Variants in PHACTR2 observed in about 807,000 individuals in gnomAD.
PHACTR2 encodes phosphatase and actin regulator 2.
Under a neutral mutation model 76.0 loss-of-function variants are expected in PHACTR2, and 30 were observed. The observed-to-expected ratio is 0.39, with a 90% CI of 0.30 to 0.54. The LOEUF (loss-of-function observed/expected upper bound fraction) is 0.54, where lower values mean the gene tolerates loss of function less well. Ranked by LOEUF, PHACTR2 falls within the 20% of genes least tolerant of loss-of-function variation. The pLI, the probability that PHACTR2 is intolerant of heterozygous loss-of-function variation, is 0.61. For synonymous variants in PHACTR2, 292 were observed against 292.5 expected, an observed-to-expected ratio of 1.00 and a Z score of 0.02; for missense variants, 696 against 781.1, an observed-to-expected ratio of 0.89 and a Z score of 1.30.
Position 143,760,645 on chromosome 6 carries a change from G to C in PHACTR2, c.694+5G>C. 6.2e-7 allele frequency: 1 copy of C among 1,613,790 alleles called. No individual in the cohort carries two copies. On this transcript the variant is annotated splice_donor_5th_base_variant and intron_variant, in intron 5 of 12. Coordinates refer to ENST00000440869, the MANE Select transcript of PHACTR2 (RefSeq NM_001100164.2). This position sits in a 1 kb window ranked among gnomAD's most constrained non-coding sequence, Gnocchi z 6.4. ...GAAACACGACCCGAGAGGCTGGTGA[G>C]TATGCCCCCAGTGCCCTGTGGGGTC... is the stretch of plus-strand genomic sequence containing the variant.
intron 2 of PHACTR2, among the ~76,000 whole-genome samples, chr6:143,735,247 T>C (rs1447294269): frequency 1.3e-5 from 2 of 151,976 alleles, no homozygotes; most frequent in Admixed American, 1.3e-4. Context: ...TTAGTACCCA[T>C]AAGACAGGGC....
chr6:143,537,221 G>C lies in PHACTR2; in HGVS notation c.217+14G>C, dbSNP rs997405578. 3 of 234,704 alleles carry C rather than the reference G, an allele frequency of 1.3e-5. No homozygotes were observed. The highest frequency in any genetic ancestry group is 1.2e-4 in the East Asian group (1 of 8,194). The allele number at this position is 234,704 out of a possible 1,614,324, so 14.5% of individuals were successfully genotyped here. ...TCTCCGGCTCAGGTAAGAGCGGCTC[G>C]GGGCGCGGGCCGGGGAGGGCCGGCC... is the stretch of plus-strand genomic sequence containing the variant. On this transcript the variant is annotated intron_variant, in intron 1 of 11. Transcript: ENST00000367584. This position sits in a 1 kb window ranked among gnomAD's most constrained non-coding sequence, Gnocchi z 4.4.
Position 143,760,694 on chromosome 6 carries a change from G to A in PHACTR2, c.694+54G>A. On this transcript the variant is annotated intron_variant, in intron 5 of 12. Transcript: ENST00000440869. This position sits in a 1 kb window ranked among gnomAD's most constrained non-coding sequence, Gnocchi z 6.4. Reference sequence around the variant, plus strand: ...TCACTTCTAGGGTGCTTGGCTCTGGGATGGGGCTAATTGTTTCTTCTAGGT... The same window carrying A: ...TCACTTCTAGGGTGCTTGGCTCTGGAATGGGGCTAATTGTTTCTTCTAGGT... 6.3e-7 allele frequency: 1 copy of A among 1,584,398 alleles called. No individual in the cohort carries two copies. The highest frequency in any genetic ancestry group is 2.2e-5 in the East Asian group (1 of 44,570).
rs867286240 is a variant in PHACTR2 at position 143,641,584 on chromosome 6, A to G, written c.13+33262A>G. Among the ~76,000 whole-genome samples the G allele has an allele frequency of 1.3e-5, 2 of 152,202 alleles. No homozygotes were observed. Among genetic ancestry groups the G allele is most frequent in the Middle Eastern group, 3.4e-3 (1 of 294 alleles). On this transcript the variant is annotated intron_variant, in intron 1 of 11. Transcript: ENST00000305766. This position sits in a 1 kb window ranked among gnomAD's most constrained non-coding sequence, Gnocchi z 5.8. ...TACAATGGCATGATCTCGGCTAACC[A>G]CAACCTCCGCCTCCCAGGTTCAAGC... is the stretch of plus-strand genomic sequence containing the variant.
At chr6:143,699,775 T>C (rs1777857978) in intron 1 of PHACTR2, among the ~76,000 whole-genome samples, 1 of 152,206 alleles carries the variant, frequency 6.6e-6, no homozygotes, top group African/African-American at 2.4e-5. Context: ...GTCCCTCAGA[T>C]CATCCATCAT....
At chr6:143,686,379 T>C (rs945292481) in intron 1 of PHACTR2, among the ~76,000 whole-genome samples, 5 of 150,638 alleles carry the variant, frequency 3.3e-5, no homozygotes, top group African/African-American at 1.2e-4. Context: ...ATAAATAACA[T>C]CAACATGTGA....
At chr6:143,673,745 T>C (rs558016878), upstream of PHACTR2, among the ~76,000 whole-genome samples, 206 of 150,800 alleles carry the variant, frequency 1.4e-3, 1 homozygote, top group African/African-American at 4.9e-3. Flanking sequence ...GTCTTTATTT[T>C]CCAGCATAAA....
chr6:143,566,225 A>G (rs1582675387), intron 1 of PHACTR2, among the ~76,000 whole-genome samples: 1 of 151,988 alleles, frequency 6.6e-6, no homozygotes, highest in East Asian at 1.9e-4. Flanking sequence ...CAGCCTCCCA[A>G]AGTGCTGGGA....
At chr6:143,567,847 G>T (rs1223382463) in intron 1 of PHACTR2, among the ~76,000 whole-genome samples, 1 of 152,204 alleles carries the variant, frequency 6.6e-6, no homozygotes, top group Non-Finnish European at 1.5e-5. Context: ...TTTAAAGTAT[G>T]CTCTGAGATT....
rs1777572238 is a variant in PHACTR2 at position 143,688,559 on chromosome 6, C to A, written c.46+10350C>A. Reference sequence around the variant, plus strand: ...TCCTCCAAGCCAGTTCTTCCCTTGACTTTCTACATTTCACCAAATGATACC... The same window carrying A: ...TCCTCCAAGCCAGTTCTTCCCTTGAATTTCTACATTTCACCAAATGATACC... On this transcript the variant is annotated intron_variant, in intron 1 of 12. Coordinates refer to ENST00000440869, the MANE Select transcript of PHACTR2 (RefSeq NM_001100164.2). The surrounding 1 kb of genome is among the most constrained non-coding windows in gnomAD (Gnocchi z 5.2). Among the ~76,000 whole-genome samples, 1 of 152,216 alleles carries A rather than the reference C, an allele frequency of 6.6e-6. No individual in the cohort carries two copies. Among genetic ancestry groups the A allele is most frequent in the African/African-American group, 2.4e-5 (1 of 41,450 alleles).
chr6:143,771,148 A>G (rs1243409387), intron 6 of PHACTR2, among the ~76,000 whole-genome samples: 103 of 75,034 alleles, frequency 1.4e-3, no homozygotes, highest in Middle Eastern at 5.6e-3. Context: ...ATATATGTAT[A>G]TATATATATG....
chr6:143,547,064 TAGTA>T lies in PHACTR2; in HGVS notation c.217+9861_217+9864del, dbSNP rs575128984. Reference sequence around the variant, plus strand: ...AAAAAAAAAGAATATGGCTTATGGTTAGTAAGTGTTATAGAATTTATGTCTTCAA... The same window carrying T: ...AAAAAAAAAGAATATGGCTTATGGTTAGTGTTATAGAATTTATGTCTTCAA... On this transcript the variant is annotated intron_variant, in intron 1 of 11. Coordinates refer to the PHACTR2 transcript ENST00000367584. This position sits in a 1 kb window ranked among gnomAD's most constrained non-coding sequence, Gnocchi z 4.2. Among the ~76,000 whole-genome samples the T allele has an allele frequency of 1.6e-4, 25 of 152,102 alleles. No homozygotes were observed. The highest frequency in any genetic ancestry group is 1.4e-3 in the East Asian group (7 of 5,180).
chr6:143,772,480 G>T lies in PHACTR2; in HGVS notation c.1432+23G>T. 1 of 1,578,522 alleles carries T rather than the reference G, an allele frequency of 6.3e-7. No individual in the cohort carries two copies. The highest frequency in any genetic ancestry group is 1.1e-5 in the South Asian group (1 of 89,410). ...AAAGTAAGACTGTTTTCAAGAGGCA[G>T]GGAGGAGCGTGGGTGATAAGCAGAA... On this transcript the variant is annotated intron_variant, in intron 7 of 12. Coordinates refer to ENST00000440869, the MANE Select transcript of PHACTR2 (RefSeq NM_001100164.2). The surrounding 1 kb of genome is among the most constrained non-coding windows in gnomAD (Gnocchi z 5.4).
In PHACTR2 at chr6:143,602,219, T is replaced by C. The variant is rs936669914; in HGVS notation, c.217+65012T>C. Among the ~76,000 whole-genome samples, 1 of 152,180 alleles carries C rather than the reference T, an allele frequency of 6.6e-6. No homozygotes were observed. Among genetic ancestry groups the C allele is most frequent in the Non-Finnish European group, 1.5e-5 (1 of 68,030 alleles). On this transcript the variant is annotated intron_variant, in intron 1 of 11. Coordinates refer to the PHACTR2 transcript ENST00000367584. The surrounding 1 kb of genome is among the most constrained non-coding windows in gnomAD (Gnocchi z 6.1). ...TTGTCCCTCTAACCTTCCCATCTAG[T>C]CAGGTTTTCTAATGACATCTTGAGG... is the stretch of plus-strand genomic sequence containing the variant.
chr6:143,800,559 C>T lies in PHACTR2; in HGVS notation c.1846-6498C>T, dbSNP rs1211912974. 6.6e-6 allele frequency among the ~76,000 whole-genome samples: 1 copy of T among 152,092 alleles called. No individual in the cohort carries two copies. On this transcript the variant is annotated intron_variant, in intron 11 of 12. Transcript: ENST00000440869. This position sits in a 1 kb window ranked among gnomAD's most constrained non-coding sequence, Gnocchi z 4.8. ...TACAGGTGTGAGCCACCGCACCCAG[C>T]CCATCCCTTTATTTTGAGCCTATGT...
chr6:143,750,510 T>G lies in PHACTR2; in HGVS notation c.295+1445T>G, dbSNP rs978799561. ...TTAGACATCGTTTATTTAGAAATAT[T>G]TTAAAGAAAGTACAAAATGGAAAAT... On this transcript the variant is annotated intron_variant, in intron 3 of 12. Coordinates refer to ENST00000440869, the MANE Select transcript of PHACTR2 (RefSeq NM_001100164.2). This position sits in a 1 kb window ranked among gnomAD's most constrained non-coding sequence, Gnocchi z 4.6. 2.0e-5 allele frequency among the ~76,000 whole-genome samples: 3 copies of G among 152,188 alleles called. No individual in the cohort carries two copies. Among genetic ancestry groups the G allele is most frequent in the Non-Finnish European group, 4.4e-5 (3 of 68,024 alleles).
At chr6:143,584,478 A>C (rs962042176) in intron 1 of PHACTR2, among the ~76,000 whole-genome samples, 7 of 152,186 alleles carry the variant, frequency 4.6e-5, no homozygotes, top group African/African-American at 1.7e-4. Context: ...ATAAGGCATC[A>C]CATTCCCTAT....
At chr6:143,727,845 C>A (rs1263286173) in intron 2 of PHACTR2, among the ~76,000 whole-genome samples, 1 of 152,166 alleles carries the variant, frequency 6.6e-6, no homozygotes, top group Non-Finnish European at 1.5e-5. Context: ...CATACCTCAA[C>A]ATATTAAAGC....
At chr6:143,677,493 C>T (rs1777271459), upstream of PHACTR2, among the ~76,000 whole-genome samples, 1 of 152,064 alleles carries the variant, frequency 6.6e-6, no homozygotes, top group South Asian at 2.1e-4. Context: ...TTGTTGATCT[C>T]ACACGTAGAC....
Sources: gnomAD v4.1 joint callset for allele counts (sites outside exome capture counted in the v4.1 genomes callset) on GRCh38, gnomAD v4.1.1 for gene constraint, Gnocchi (gnomAD v3.1) non-coding constraint, MANE v1.5 for transcripts, NCBI Gene and HGNC (gene_info 2026-07-23, HGNC 2026-07-21) for gene names.